The following SORCS2 variants were observed in gnomAD, a reference collection of about 807,000 sequenced individuals.
SORCS2 encodes the protein VPS10 domain-containing receptor SorCS2.
In SORCS2, 100 loss-of-function variants were observed where a neutral mutation model predicts 141.6. The observed-to-expected ratio is 0.71, with a 90% CI of 0.60 to 0.83. The LOEUF is 0.83. Ranked by LOEUF, SORCS2 falls within the 40% of genes least tolerant of loss-of-function variation. The probability of loss-of-function intolerance (pLI) is 0.00; values close to 1 mark genes in which losing one functional copy is unlikely to be tolerated. For synonymous variants in SORCS2, 789 were observed against 676.9 expected, an observed-to-expected ratio of 1.17 and a Z score of -2.57; for missense variants, 1,646 against 1,560.2, an observed-to-expected ratio of 1.05 and a Z score of -0.93.
chr4:7,500,987 C>T (rs11942787), intron 2 of SORCS2, among the ~76,000 whole-genome samples: 1 of 152,214 alleles, frequency 6.6e-6, no homozygotes, highest in Non-Finnish European at 1.5e-5. Context: ...AGCGTGGATC[C>T]AGCTCCACCC....
intron 1 of SORCS2, among the ~76,000 whole-genome samples, chr4:7,333,203 C>G (rs113908012): frequency 3.3e-5 from 5 of 152,314 alleles, no homozygotes; most frequent in African/African-American, 1.2e-4. Context: ...GGCTGAGTTT[C>G]GGAGGAGCAG....
At chr4:7,412,401 G>A (rs926301575) in intron 2 of SORCS2, among the ~76,000 whole-genome samples, 3 of 152,188 alleles carry the variant, frequency 2.0e-5, no homozygotes, top group Non-Finnish European at 4.4e-5. Context: ...CTTTCTGACA[G>A]TGTGCAGGGG....
At chr4:7,527,734 G>A (rs1455759900) in intron 2 of SORCS2, among the ~76,000 whole-genome samples, 1 of 152,196 alleles carries the variant, frequency 6.6e-6, no homozygotes, top group Non-Finnish European at 1.5e-5. Context: ...TGCCCCCTCC[G>A]CTGAGCCTGG....
chr4:7,348,842 T>C (rs1178609556), intron 1 of SORCS2, among the ~76,000 whole-genome samples: 1 of 152,208 alleles, frequency 6.6e-6, no homozygotes, highest in Admixed American at 6.5e-5. Context: ...CATGAGCCAC[T>C]GCACCAGGCC....
In SORCS2 at chr4:7,235,161, C is replaced by G. The variant is rs190611662; in HGVS notation, c.480+42035C>G. 1.9e-4 allele frequency among the ~76,000 whole-genome samples: 29 copies of G among 152,356 alleles called. No individual in the cohort carries two copies. The East Asian group carries it at 5.2e-3, about 27-fold the overall frequency. On this transcript the variant is annotated intron_variant, in intron 1 of 26. Coordinates refer to ENST00000507866, the MANE Select transcript of SORCS2 (RefSeq NM_020777.3). ...TGTCCTTGCCGGTGAATGGTACTAA[C>G]AGCAGATAGGCGGGAGGTGGCGAGC...
intron 1 of SORCS2, among the ~76,000 whole-genome samples, chr4:7,325,480 A>C (rs538192117): frequency 1.3e-5 from 2 of 152,152 alleles, no homozygotes; most frequent in East Asian, 3.9e-4. Context: ...TGAAAGGAGA[A>C]ATTTGGGGAA....
Position 7,199,759 on chromosome 4 carries a change from G to A in SORCS2, c.480+6633G>A, listed in dbSNP as rs557738287. On this transcript the variant is annotated intron_variant, in intron 1 of 26. Transcript: ENST00000507866. ...AAGTTCAACAGATGAGACCTTGACT[G>A]TGGATCCCCCATGTTCTGTCCTCTC... is the stretch of plus-strand genomic sequence containing the variant. Among the ~76,000 whole-genome samples, 4 of 152,168 alleles carry A rather than the reference G, an allele frequency of 2.6e-5. No homozygotes were observed. The East Asian group carries it at 7.7e-4, about 29-fold the overall frequency.
rs112239859 is a variant in SORCS2 at position 7,421,244 on chromosome 4, C to T, written c.548+24889C>T. Among the ~76,000 whole-genome samples, 1,341 of 152,312 alleles carry T rather than the reference C, an allele frequency of 8.8e-3. 8 individuals are homozygous for T. The highest frequency in any genetic ancestry group is 0.019 in the South Asian group (91 of 4,830). On this transcript the variant is annotated intron_variant, in intron 2 of 26. Transcript: ENST00000507866. ...GGGTCATCTGGTGCACCACGCCATG[C>T]GTTTCCCACGAGAGTCCCTGTTCCC... is the stretch of plus-strand genomic sequence containing the variant.
chr4:7,226,746 T>G (rs1409445913), intron 1 of SORCS2, among the ~76,000 whole-genome samples: 1 of 152,052 alleles, frequency 6.6e-6, no homozygotes, highest in Non-Finnish European at 1.5e-5. Context: ...CCAGAGCTCA[T>G]GGGCAGACCC....
chr4:7,436,231 C>A lies in SORCS2; in HGVS notation c.548+39876C>A, dbSNP rs573320543. On this transcript the variant is annotated intron_variant, in intron 2 of 26. Transcript: ENST00000507866. ...GCTGGCCAGCACCTCCAGGTCATAC[C>A]CCAGGTGGGGCTGGAGACGTGGGTG... Among the ~76,000 whole-genome samples, 11 of 152,330 alleles carry A rather than the reference C, an allele frequency of 7.2e-5. No individual in the cohort carries two copies. In the East Asian group the frequency reaches 2.1e-3, roughly 29 times the overall value.
intron 2 of SORCS2, among the ~76,000 whole-genome samples, chr4:7,415,489 C>T (rs1325059008): frequency 6.6e-6 from 1 of 152,170 alleles, no homozygotes; most frequent in Non-Finnish European, 1.5e-5. Context: ...AAAGGTTCTG[C>T]CTTTTAGGGA....
intron 4 of SORCS2, among the ~76,000 whole-genome samples, chr4:7,639,052 C>G (rs1314623660): frequency 6.6e-6 from 1 of 152,098 alleles, no homozygotes; most frequent in Non-Finnish European, 1.5e-5. Flanking sequence ...GAGCATTGGG[C>G]TGCATCTGCA....
intron 1 of SORCS2, among the ~76,000 whole-genome samples, chr4:7,196,978 G>A (rs924956482): frequency 3.2e-4 from 48 of 152,312 alleles, no homozygotes; most frequent in African/African-American, 9.9e-4. Flanking sequence ...GAGGGCAGGT[G>A]AATTCTCTTT....
At position 7,698,045 on chromosome 4, in the gene SORCS2, T is replaced by C. The variant is rs761456346; in HGVS notation, c.1668+771T>C. Among the ~76,000 whole-genome samples the C allele has an allele frequency of 1.3e-5, 2 of 151,784 alleles. 1 individual carries two copies. The highest frequency in any genetic ancestry group is 4.2e-4 in the South Asian group (2 of 4,792). On this transcript the variant is annotated intron_variant, in intron 12 of 26. Transcript: ENST00000507866. Reference sequence around the variant, plus strand: ...GAGGGATGCCAGTCGGTACCACGTGTCCTGCGTGGTCCAGGCAGCTCTAGG... The same window carrying C: ...GAGGGATGCCAGTCGGTACCACGTGCCCTGCGTGGTCCAGGCAGCTCTAGG...
At chr4:7,464,078 G>A (rs1420131164) in intron 2 of SORCS2, among the ~76,000 whole-genome samples, 1 of 152,174 alleles carries the variant, frequency 6.6e-6, no homozygotes, top group Admixed American at 6.5e-5. Flanking sequence ...ACACTGGGCT[G>A]GCAGTGAGCT....
chr4:7,198,977 A>G (rs1727333572), intron 1 of SORCS2, among the ~76,000 whole-genome samples: 1 of 152,224 alleles, frequency 6.6e-6, no homozygotes, highest in African/African-American at 2.4e-5. Flanking sequence ...TGTTGTGCCC[A>G]GAACCCTCCA....
chr4:7,517,007 G>A (rs1733028168), intron 2 of SORCS2, among the ~76,000 whole-genome samples: 1 of 152,210 alleles, frequency 6.6e-6, no homozygotes, highest in South Asian at 2.1e-4. Flanking sequence ...GCTGGGTGTT[G>A]AAGGGACTCA....
rs1221123372 is a variant in SORCS2, at chr4:7,246,432, C to CT, written c.480+53308dup. The stretch of plus-strand genomic sequence containing the variant: ...ATGAACCCACACATCTCACTCGGGG[C>CT]TTAAATGAACCCACACATCTCACCT... On this transcript the variant is annotated intron_variant, in intron 1 of 26. Transcript: ENST00000507866. 5.6e-4 allele frequency among the ~76,000 whole-genome samples: 83 copies of CT among 147,630 alleles called. 1 individual carries two copies. The highest frequency in any genetic ancestry group is 1.1e-3 in the Non-Finnish European group (72 of 66,964).
At chr4:7,721,820 G>A (rs1726607066) in intron 18 of SORCS2, among the ~76,000 whole-genome samples, 1 of 152,144 alleles carries the variant, frequency 6.6e-6, no homozygotes, top group Admixed American at 6.5e-5. Flanking sequence ...GCCGGGTACG[G>A]GGCACACAGG....
Sources: gnomAD v4.1 joint callset for allele counts (sites outside exome capture counted in the v4.1 genomes callset) on GRCh38, gnomAD v4.1.1 for gene constraint, MANE v1.5 for transcripts, NCBI Gene and HGNC (gene_info 2026-07-23, HGNC 2026-07-21) for gene names.